The following RASGRF1 variants were observed in gnomAD, a reference collection of about 807,000 sequenced individuals.
RASGRF1 encodes the protein Ras protein specific guanine nucleotide releasing factor 1, also known as ras-specific guanine nucleotide-releasing factor 1.
In RASGRF1, 40 loss-of-function variants were observed where a neutral mutation model predicts 138.7. The ratio of observed to expected loss-of-function variants is 0.29; its 90% confidence interval spans 0.22 to 0.38. The LOEUF is 0.38. Among genes scored for constraint, RASGRF1 ranks in the 10% least tolerant of loss-of-function variants. The pLI is 1.00. For synonymous variants in RASGRF1, 614 were observed against 663.2 expected (o/e 0.93, Z 1.14); for missense variants, 1,108 against 1,650.4 (o/e 0.67, Z 5.69).
intron 1 of RASGRF1, among the ~76,000 whole-genome samples, chr15:79,081,665 G>A (rs2057915830): frequency 1.3e-5 from 2 of 152,148 alleles, no homozygotes; most frequent in South Asian, 4.1e-4. Flanking sequence ...TCTCCTGTGT[G>A]CCAGCAGGGA....
Position 79,042,909 on chromosome 15 carries a change from A to G in RASGRF1, c.878+3837T>C, listed in dbSNP as rs149410314. On this transcript the variant is annotated intron_variant, in intron 5 of 26. Coordinates refer to ENST00000558480, the MANE Select transcript of RASGRF1 (RefSeq NM_001145648.3). ...AAATAGTTCCTTATGTTTGCAAAAA[A>G]GCATAGAGCTTAAGAGAGTGAAGCT... 2.1e-3 allele frequency among the ~76,000 whole-genome samples: 325 copies of G among 152,382 alleles called. 1 individual carries two copies. The highest frequency in any genetic ancestry group is 3.3e-3 in the Non-Finnish European group (226 of 68,036).
At chr15:79,082,200 A>C (rs1374422114) in intron 1 of RASGRF1, among the ~76,000 whole-genome samples, 1 of 152,210 alleles carries the variant, frequency 6.6e-6, no homozygotes, top group Non-Finnish European at 1.5e-5. Context: ...CATTAGCACC[A>C]TATTCTCCTC....
Position 79,047,031 on chromosome 15 carries a change from T to G in RASGRF1, c.625-32A>C, listed in dbSNP as rs764379612. 9 of 1,597,626 alleles carry G rather than the reference T, an allele frequency of 5.6e-6. No homozygotes were observed. The African/African-American group carries it at 1.2e-4, about 21-fold the overall frequency. On this transcript the variant is annotated intron_variant, in intron 4 of 26. Coordinates refer to ENST00000558480, the MANE Select transcript of RASGRF1 (RefSeq NM_001145648.3). ...AGCAAGACCGGTGGGGAGAGGCTCC[T>G]GTCAGGGAGTCTGGACCACTCCTGT... is the stretch of plus-strand genomic sequence containing the variant.
chr15:79,059,344 C>T (rs1178058965), intron 2 of RASGRF1, among the ~76,000 whole-genome samples: 1 of 138,030 alleles, frequency 7.2e-6, no homozygotes, highest in Admixed American at 7.4e-5. Flanking sequence ...CTATCCTTCC[C>T]TTCCTTTCCC....
rs766887505 is a variant in RASGRF1 at position 79,049,544 on chromosome 15, C to A, written c.576G>T (p.Gln192His). 1 of 1,614,068 alleles carries A rather than the reference C, an allele frequency of 6.2e-7. No individual in the cohort carries two copies. Among genetic ancestry groups the A allele is most frequent in the Non-Finnish European group, 8.5e-7 (1 of 1,180,002 alleles). The part of the protein sequence containing the change: ...LKDNERIQST[Q>H]TVAPNDEDSD... ...TGTCTTCATCGTTGGGGGCGACAGT[C>A]TGGGTGGACTGGATGCGCTCATTGT... Residue 192 changes from glutamine to histidine, a missense_variant, in exon 4 of 27, where the codon CAG becomes CAT. Around this residue, in one of 3 missense-constraint regions of RASGRF1, gnomAD observed 253 missense variants for 329.5 expected, o/e 0.77. Transcript: ENST00000558480.
chr15:79,055,324 C>G (rs1009395292), intron 3 of RASGRF1, among the ~76,000 whole-genome samples: 3 of 152,062 alleles, frequency 2.0e-5, no homozygotes, highest in African/African-American at 7.2e-5. Context: ...TCAGAGCCAG[C>G]AACTACCCTC....
Position 79,003,992 on chromosome 15 carries a change from G to A in RASGRF1, c.2259C>T (p.Ala753=), listed in dbSNP as rs766987923. 5 of 1,614,046 alleles carry A rather than the reference G, an allele frequency of 3.1e-6. No homozygotes were observed. The African/African-American group carries it at 4.0e-5, about 13-fold the overall frequency. ...TGCAGCTGAGGGCGGCCAGGTCCAGGGCCTTGCCGCCAGTGATGATGGGGA... is the reference window on the plus strand; with the variant it reads ...TGCAGCTGAGGGCGGCCAGGTCCAGAGCCTTGCCGCCAGTGATGATGGGGA... The part of the protein sequence containing the change: ...LNIPIITGGK[A]LDLAALSCNS... The change falls in exon 15 of 27, where the codon GCC becomes GCT. Residue 753 remains alanine (A), a synonymous_variant. Coordinates refer to ENST00000558480, the MANE Select transcript of RASGRF1 (RefSeq NM_001145648.3).
intron 3 of RASGRF1, among the ~76,000 whole-genome samples, chr15:79,052,855 G>T (rs1179659400): frequency 6.6e-6 from 1 of 152,146 alleles, no homozygotes; most frequent in Non-Finnish European, 1.5e-5. Context: ...CAGCAGGGAG[G>T]GTGGCCATGG....
intron 24 of RASGRF1, among the ~76,000 whole-genome samples, chr15:78,976,927 C>T (rs1004589110): frequency 5.9e-5 from 9 of 152,230 alleles, no homozygotes; most frequent in Non-Finnish European, 1.2e-4. Context: ...AAGTGTCCCA[C>T]CCCTAGCCTG....
chr15:79,032,331 C>A lies in RASGRF1; in HGVS notation c.959-15G>T. 1 of 1,612,948 alleles carries A rather than the reference C, an allele frequency of 6.2e-7. No homozygotes were observed. The highest frequency in any genetic ancestry group is 2.2e-5 in the East Asian group (1 of 44,846). On this transcript the variant is annotated splice_polypyrimidine_tract_variant and intron_variant, in intron 6 of 26. Transcript: ENST00000558480. The surrounding 1 kb of genome is among the most constrained non-coding windows in gnomAD (Gnocchi z 4.5). ...AAATAGGTCAGCTGGAAGGACGAGG[C>A]AGTCAGCGGGTGGCTAGGGCAGCTT...
At chr15:79,057,042 C>A (rs1266846600) in intron 3 of RASGRF1, among the ~76,000 whole-genome samples, 9 of 152,236 alleles carry the variant, frequency 5.9e-5, no homozygotes, top group Non-Finnish European at 8.8e-5. Context: ...ATTCCCCACA[C>A]TCTGGCATCC....
chr15:78,977,191 T>C (rs2055890232), intron 24 of RASGRF1, among the ~76,000 whole-genome samples: 1 of 152,186 alleles, frequency 6.6e-6, no homozygotes, highest in Non-Finnish European at 1.5e-5. Flanking sequence ...CCCTTCCTCT[T>C]TCTCTCCAAC....
chr15:78,974,655 C>T (rs1020579921), intron 24 of RASGRF1, among the ~76,000 whole-genome samples: 5 of 152,168 alleles, frequency 3.3e-5, no homozygotes, highest in Admixed American at 6.5e-5. Context: ...GGGAGAGCGC[C>T]TCATTTGGTG....
intron 10 of RASGRF1, among the ~76,000 whole-genome samples, chr15:79,024,698 T>C (rs765876349): frequency 1.3e-5 from 2 of 152,220 alleles, no homozygotes; most frequent in African/African-American, 2.4e-5. Context: ...ATGTAAGACA[T>C]GCCTTTGCTC....
chr15:78,982,324 C>T (rs753540541), intron 23 of RASGRF1, among the ~76,000 whole-genome samples: 9 of 152,178 alleles, frequency 5.9e-5, no homozygotes, highest in Non-Finnish European at 1.3e-4. Flanking sequence ...GGGCTGGGCA[C>T]GTTTTTAACT....
Position 78,973,157 on chromosome 15 carries a change from T to C in RASGRF1, c.3612+146A>G, listed in dbSNP as rs1246678203. 3 of 654,212 alleles carry C rather than the reference T, an allele frequency of 4.6e-6. No homozygotes were observed. Among genetic ancestry groups the C allele is most frequent in the East Asian group, 2.6e-5 (1 of 38,122 alleles). 40.5% of individuals were successfully genotyped at this position (654,212 alleles called of 1,614,324 possible). On this transcript the variant is annotated intron_variant, in intron 25 of 26. Transcript: ENST00000558480. This position sits in a 1 kb window ranked among gnomAD's most constrained non-coding sequence, Gnocchi z 4.9. The stretch of plus-strand genomic sequence containing the variant: ...TGCTCATCAATGATAGTGATGGCTG[T>C]CATTGGGGAAGCTGGACCCAGGCTC...
intron 26 of RASGRF1, among the ~76,000 whole-genome samples, chr15:78,971,261 A>G (rs889767781): frequency 3.3e-5 from 5 of 152,182 alleles, no homozygotes; most frequent in Non-Finnish European, 4.4e-5. Context: ...AGATCAAAAC[A>G]ACCTAAATGT....
At chr15:78,968,078 T>A (rs2055677951) in intron 26 of RASGRF1, among the ~76,000 whole-genome samples, 2 of 152,276 alleles carry the variant, frequency 1.3e-5, no homozygotes, top group East Asian at 1.9e-4. Flanking sequence ...TTTTATTATT[T>A]TTTTTTGAAA....
At chr15:78,993,775 C>T (rs925007823) in intron 20 of RASGRF1, among the ~76,000 whole-genome samples, 16 of 152,082 alleles carry the variant, frequency 1.1e-4, no homozygotes, top group Non-Finnish European at 2.1e-4. Flanking sequence ...CGCTGTGGGG[C>T]CCAGAGGCCT....
Sources: allele counts gnomAD v4.1 joint callset (sites outside exome capture counted in the v4.1 genomes callset), GRCh38; gene constraint gnomAD v4.1.1; regional missense constraint gnomAD v4.1.1; non-coding constraint Gnocchi (gnomAD v3.1); transcripts MANE v1.5; gene names NCBI Gene and HGNC (gene_info 2026-07-23, HGNC 2026-07-21).